Variants in EEFSEC observed in about 807,000 individuals in gnomAD.
EEFSEC encodes selenocysteine-specific elongation factor.
A neutral mutation model predicts 42.1 loss-of-function variants in EEFSEC; 43 were observed. The observed-to-expected ratio is 1.02, with a 90% CI of 0.80 to 1.32. EEFSEC has a LOEUF of 1.32. Ranked by LOEUF, EEFSEC falls within the 40% of genes most tolerant of loss-of-function variation. The probability of loss-of-function intolerance (pLI) is 0.00; values close to 1 mark genes in which losing one functional copy is unlikely to be tolerated. For synonymous variants in EEFSEC, 354 were observed against 339.1 expected, an observed-to-expected ratio of 1.04 and a Z score of -0.48; for missense variants, 745 against 803.6, an observed-to-expected ratio of 0.93 and a Z score of 0.88.
chr3:128,328,446 G>C (rs1298881836), intron 4 of EEFSEC, among the ~76,000 whole-genome samples: 1 of 152,216 alleles, frequency 6.6e-6, no homozygotes, highest in African/African-American at 2.4e-5. Flanking sequence ...TAGATGCCCT[G>C]GTGCACCCCA....
chr3:128,234,441 C>G (rs2107872442), intron 1 of EEFSEC, among the ~76,000 whole-genome samples: 1 of 152,244 alleles, frequency 6.6e-6, no homozygotes, highest in South Asian at 2.1e-4. Flanking sequence ...TCCCGTATGC[C>G]CATCACCCTT....
At chr3:128,290,776 C>T (rs1294224947) in intron 4 of EEFSEC, among the ~76,000 whole-genome samples, 3 of 152,016 alleles carry the variant, frequency 2.0e-5, no homozygotes, top group African/African-American at 4.8e-5. Flanking sequence ...GACAGAGTTG[C>T]ACTCTGTTGC....
At chr3:128,254,222 TG>T (rs2066218483) in intron 2 of EEFSEC, among the ~76,000 whole-genome samples, 2 of 152,158 alleles carry the variant, frequency 1.3e-5, no homozygotes, top group Admixed American at 1.3e-4. Context: ...TGCTTCTGGC[TG>T]GGGAGTCAGG....
chr3:128,288,920 G>T (rs936490506), intron 4 of EEFSEC, among the ~76,000 whole-genome samples: 3 of 152,220 alleles, frequency 2.0e-5, no homozygotes, highest in Admixed American at 2.0e-4. Context: ...GTGCCTGGAG[G>T]TATAGGGCTT....
chr3:128,375,669 G>A (rs1444983238), intron 6 of EEFSEC, among the ~76,000 whole-genome samples: 3 of 152,176 alleles, frequency 2.0e-5, no homozygotes, highest in African/African-American at 7.2e-5. Context: ...AACGGAGCAG[G>A]TCCTCAATGT....
chr3:128,383,703 G>T (rs1264617330), intron 6 of EEFSEC, among the ~76,000 whole-genome samples: 1 of 152,256 alleles, frequency 6.6e-6, no homozygotes. Context: ...TCCTGGCCTC[G>T]TGCCAGGCCC....
At chr3:128,308,112 G>C (rs1463546549) in intron 4 of EEFSEC, among the ~76,000 whole-genome samples, 1 of 152,270 alleles carries the variant, frequency 6.6e-6, no homozygotes, top group Non-Finnish European at 1.5e-5. Context: ...AGTATAGTTG[G>C]AAAAGTGGTG....
At chr3:128,288,425 T>C (rs1267852328) in intron 4 of EEFSEC, among the ~76,000 whole-genome samples, 1 of 152,220 alleles carries the variant, frequency 6.6e-6, no homozygotes, top group Non-Finnish European at 1.5e-5. Flanking sequence ...CCTGAGTTCC[T>C]GCCTTTCTTT....
chr3:128,333,375 T>C (rs1235696971), intron 4 of EEFSEC, among the ~76,000 whole-genome samples: 2 of 152,202 alleles, frequency 1.3e-5, no homozygotes, highest in African/African-American at 4.8e-5. Flanking sequence ...ACAGAAGGAG[T>C]GCCCATGTTA....
chr3:128,184,570 G>A (rs2065445244), intron 1 of EEFSEC, among the ~76,000 whole-genome samples: 1 of 152,184 alleles, frequency 6.6e-6, no homozygotes, highest in African/African-American at 2.4e-5. Context: ...TATAGGGTAA[G>A]TATGTAAGTA....
At chr3:128,351,945 C>A (rs1466489471) in intron 5 of EEFSEC, among the ~76,000 whole-genome samples, 2 of 152,230 alleles carry the variant, frequency 1.3e-5, no homozygotes, top group Non-Finnish European at 2.9e-5. Context: ...TGAGCAGATC[C>A]CACATGCGTT....
downstream of EEFSEC, among the ~76,000 whole-genome samples, chr3:128,411,672 G>A (rs779335026): frequency 7.2e-5 from 11 of 152,198 alleles, no homozygotes; most frequent in Admixed American, 1.3e-4. Context: ...GCAGGCCCCC[G>A]ACCAGCAGGG....
rs72985515 is a variant in EEFSEC, at chr3:128,173,783, G to A, written c.316+19960G>A. Among the ~76,000 whole-genome samples the A allele has an allele frequency of 1.1e-3, 165 of 152,234 alleles. 1 individual carries two copies. The highest frequency in any genetic ancestry group is 3.8e-3 in the African/African-American group (159 of 41,522). On this transcript the variant is annotated intron_variant, in intron 1 of 6. Coordinates refer to ENST00000254730, the MANE Select transcript of EEFSEC (RefSeq NM_021937.5). ...AAAACACAAACTTCTTCACTTTTGC[G>A]TTTGGAGGTAATTATCAATATTTAC...
At chr3:128,232,309 T>C (rs1188157345) in intron 1 of EEFSEC, among the ~76,000 whole-genome samples, 2 of 152,202 alleles carry the variant, frequency 1.3e-5, no homozygotes, top group Non-Finnish European at 2.9e-5. Flanking sequence ...ATTTTATTAT[T>C]TTTTTAAAGA....
intron 4 of EEFSEC, among the ~76,000 whole-genome samples, chr3:128,311,294 G>T (rs1410227483): frequency 6.6e-6 from 1 of 152,190 alleles, no homozygotes; most frequent in African/African-American, 2.4e-5. Context: ...CTTCCTCTTC[G>T]GTAATGCTGA....
chr3:128,372,469 C>G (rs951555508), intron 6 of EEFSEC, among the ~76,000 whole-genome samples: 7 of 152,204 alleles, frequency 4.6e-5, no homozygotes, highest in Admixed American at 3.3e-4. Context: ...GGATTCACCA[C>G]AACACTTACC....
intron 4 of EEFSEC, among the ~76,000 whole-genome samples, chr3:128,315,560 G>T (rs540794130): frequency 9.8e-5 from 15 of 152,330 alleles, no homozygotes; most frequent in African/African-American, 2.9e-4. Flanking sequence ...AGAAGCCAGG[G>T]CCTGAGCTCC....
chr3:128,385,934 A>T (rs11721161), intron 6 of EEFSEC, among the ~76,000 whole-genome samples: 4,528 of 152,344 alleles, frequency 0.03, 91 homozygotes, highest in Non-Finnish European at 0.044. Context: ...GGCTGCTCAC[A>T]TCCACCCTGG....
intron 4 of EEFSEC, among the ~76,000 whole-genome samples, chr3:128,269,186 G>A (rs977181056): frequency 4.6e-5 from 7 of 152,330 alleles, no homozygotes; most frequent in Middle Eastern, 3.4e-3. Context: ...GCAGAGCTGG[G>A]ACTTGAAGTC....
Sources: allele counts gnomAD v4.1 joint callset (sites outside exome capture counted in the v4.1 genomes callset), GRCh38; gene constraint gnomAD v4.1.1; transcripts MANE v1.5; gene names NCBI Gene and HGNC (gene_info 2026-07-23, HGNC 2026-07-21).